The following WDR7 variants were observed in gnomAD, a reference collection of about 807,000 sequenced individuals.
The protein encoded by WDR7 is WD repeat-containing protein 7.
WDR7 carries 46 observed loss-of-function variants against 169.4 expected under a neutral mutation model. The ratio of observed to expected loss-of-function variants is 0.27; its 90% CI spans 0.21 to 0.35. The LOEUF is 0.35. Ranked by LOEUF, WDR7 falls within the 10% of genes least tolerant of loss-of-function variation. The pLI, the probability that WDR7 is intolerant of heterozygous loss-of-function variation, is 1.00. For synonymous variants in WDR7, 612 were observed against 666.8 expected, an observed-to-expected ratio of 0.92 and a Z score of 1.27; for missense variants, 1,534 against 1,859.3, an observed-to-expected ratio of 0.83 and a Z score of 3.22.
downstream of WDR7, chr18:57,033,365 G>T (rs1441529211): frequency 6.6e-6 from 1 of 152,188 alleles, no homozygotes; most frequent in Non-Finnish European, 1.5e-5. Context: ...TGTGTGATCG[G>T]AATGAGTATA....
chr18:56,671,521 T>C (rs1401570410), intron 1 of WDR7, among the ~76,000 whole-genome samples: 2 of 152,194 alleles, frequency 1.3e-5, no homozygotes, highest in Non-Finnish European at 2.9e-5. Context: ...TCCACCCACC[T>C]TGGCCTCCCA....
At chr18:56,993,504 A>T (rs1401468096) in intron 26 of WDR7, among the ~76,000 whole-genome samples, 3 of 152,172 alleles carry the variant, frequency 2.0e-5, no homozygotes, top group African/African-American at 7.2e-5. Context: ...TATCGTAAAA[A>T]GTGTGACGTC....
chr18:56,785,271 A>G (rs892858360), intron 19 of WDR7, among the ~76,000 whole-genome samples: 1 of 152,176 alleles, frequency 6.6e-6, no homozygotes, highest in South Asian at 2.1e-4. Context: ...TACCATTGTC[A>G]TTAATGTTTG....
chr18:56,995,515 A>AT (rs1433344988), intron 26 of WDR7, among the ~76,000 whole-genome samples: 1 of 152,186 alleles, frequency 6.6e-6, no homozygotes, highest in East Asian at 1.9e-4. Flanking sequence ...TGCTGAGATT[A>AT]TTTGACATCA....
At chr18:57,015,831 C>G (rs2048198338) in intron 26 of WDR7, among the ~76,000 whole-genome samples, 1 of 152,196 alleles carries the variant, frequency 6.6e-6, no homozygotes, top group Admixed American at 6.5e-5. Context: ...TTTGGTATTG[C>G]CTCTCCTTTT....
At chr18:56,843,063 C>T (rs1284591320) in intron 20 of WDR7, among the ~76,000 whole-genome samples, 1 of 152,108 alleles carries the variant, frequency 6.6e-6, no homozygotes, top group African/African-American at 2.4e-5. Context: ...CATCCCGTTA[C>T]CTCTGAACAG....
intron 13 of WDR7, among the ~76,000 whole-genome samples, chr18:56,722,407 C>T (rs2026341763): frequency 1.3e-5 from 2 of 152,122 alleles, no homozygotes; most frequent in Admixed American, 1.3e-4. Flanking sequence ...GACCCTTTGC[C>T]AGTAGTATCT....
At chr18:56,934,586 A>G (rs2046932703) in intron 22 of WDR7, among the ~76,000 whole-genome samples, 1 of 152,174 alleles carries the variant, frequency 6.6e-6, no homozygotes, top group South Asian at 2.1e-4. Context: ...AGAGACAGTT[A>G]TACTATCAGT....
intron 5 of WDR7, among the ~76,000 whole-genome samples, chr18:56,684,089 A>G (rs2025400543): frequency 6.6e-6 from 1 of 152,172 alleles, no homozygotes; most frequent in African/African-American, 2.4e-5. Flanking sequence ...GATTTGGAAG[A>G]TGAGAAAGAG....
chr18:56,804,184 G>T (rs987353787), intron 19 of WDR7, among the ~76,000 whole-genome samples: 5 of 152,166 alleles, frequency 3.3e-5, no homozygotes, highest in Non-Finnish European at 5.9e-5. Context: ...GCCTGGCTGG[G>T]TTGCCAGAAA....
intron 21 of WDR7, among the ~76,000 whole-genome samples, chr18:56,899,953 A>G (rs566547484): frequency 2.7e-4 from 41 of 151,898 alleles, no homozygotes; most frequent in African/African-American, 9.6e-4. Context: ...TGCCTAGGTG[A>G]TGACTGTCTG....
intron 26 of WDR7, among the ~76,000 whole-genome samples, chr18:56,982,314 A>G (rs1222333197): frequency 2.0e-5 from 3 of 152,228 alleles, no homozygotes; most frequent in African/African-American, 7.2e-5. Context: ...ATTAATGAGC[A>G]TATCTGTTTT....
chr18:56,856,567 C>G (rs1393732452), intron 20 of WDR7, among the ~76,000 whole-genome samples: 7 of 151,576 alleles, frequency 4.6e-5, no homozygotes, highest in Admixed American at 4.6e-4. Flanking sequence ...AAATAGAAAA[C>G]TATAATTTTT....
At chr18:56,900,248 A>G (rs1005377738) in intron 21 of WDR7, among the ~76,000 whole-genome samples, 1 of 151,940 alleles carries the variant, frequency 6.6e-6, no homozygotes. Context: ...CTACTTCATG[A>G]TTTTGTAAAG....
chr18:56,654,420 G>A (rs1052410326), intron 1 of WDR7, among the ~76,000 whole-genome samples: 6 of 152,166 alleles, frequency 3.9e-5, no homozygotes, highest in South Asian at 2.1e-4. Context: ...ATGAGCCAGC[G>A]TGCCCTGCCG....
chr18:56,995,334 T>C (rs951546287), intron 26 of WDR7, among the ~76,000 whole-genome samples: 2 of 152,202 alleles, frequency 1.3e-5, no homozygotes, highest in Admixed American at 1.3e-4. Flanking sequence ...TTTAAGGGTA[T>C]GAAATATGTG....
intron 13 of WDR7, among the ~76,000 whole-genome samples, chr18:56,723,332 T>G (rs1241646782): frequency 6.6e-6 from 1 of 152,160 alleles, no homozygotes; most frequent in Non-Finnish European, 1.5e-5. Flanking sequence ...TTGCTTTGTG[T>G]AGATATAGAT....
intron 26 of WDR7, among the ~76,000 whole-genome samples, chr18:56,965,385 A>G (rs1047202643): frequency 1.3e-5 from 2 of 151,968 alleles, no homozygotes; most frequent in African/African-American, 4.8e-5. Context: ...GGTTGGTAAA[A>G]GATAAAGGAA....
In WDR7 at chr18:56,784,522, C is replaced by T. The variant is rs186203983; in HGVS notation, c.3190+2866C>T. 1.4e-4 allele frequency among the ~76,000 whole-genome samples: 21 copies of T among 152,302 alleles called. No individual in the cohort carries two copies. In the East Asian group the frequency reaches 1.5e-3, roughly 11 times the overall value. ...TTTAGCTCCCACTTATAAGTGAGAA[C>T]GTATATTAATCACTATTTATTCCAT... On this transcript the variant is annotated intron_variant, in intron 19 of 27. Coordinates refer to ENST00000254442, the MANE Select transcript of WDR7 (RefSeq NM_015285.3).
Sources: allele counts gnomAD v4.1 joint callset (sites outside exome capture counted in the v4.1 genomes callset), GRCh38; gene constraint gnomAD v4.1.1; transcripts MANE v1.5; gene names NCBI Gene and HGNC (gene_info 2026-07-23, HGNC 2026-07-21).